The following GSE1 variants were observed in gnomAD, a reference collection of about 807,000 sequenced individuals.
GSE1 encodes genetic suppressor element 1.
A neutral mutation model predicts 112.6 loss-of-function variants in GSE1; 32 were observed. The ratio of observed to expected loss-of-function variants is 0.28; its 90% confidence interval spans 0.21 to 0.38. The LOEUF (loss-of-function observed/expected upper bound fraction) is 0.38. Among genes scored for constraint, GSE1 ranks in the 10% least tolerant of loss-of-function variants. The pLI, the probability that GSE1 is intolerant of heterozygous loss-of-function variation, is 1.00. For missense variants in GSE1, 2,348 were observed against 1,699.2 expected (o/e 1.38, Z -6.71); for synonymous variants, 1,115 against 735.6 (o/e 1.52, Z -8.35).
At chr16:85,642,391 A>C (rs1028884330) in intron 2 of GSE1, among the ~76,000 whole-genome samples, 2 of 152,230 alleles carry the variant, frequency 1.3e-5, no homozygotes, top group African/African-American at 2.4e-5. Context: ...CCCCCAGGTT[A>C]GCAGACACAC....
In GSE1 at chr16:85,665,029, G is replaced by T; in HGVS notation, c.2659G>T (p.Val887Phe). 6.2e-7 allele frequency: 1 copy of T among 1,607,394 alleles called. No homozygotes were observed. Among genetic ancestry groups the T allele is most frequent in the East Asian group, 2.2e-5 (1 of 44,846 alleles). Residue 887 changes from valine to phenylalanine, a missense_variant, in exon 12 of 16, where the codon GTT becomes TTT. Transcript: ENST00000253458. Reference sequence around the variant, plus strand: ...TTTTCTCATAGACAAAGAGAGACTTGTTGAAATGCTCCGTGCCATGAAGCA... The same window carrying T: ...TTTTCTCATAGACAAAGAGAGACTTTTTGAAATGCTCCGTGCCATGAAGCA... ...AEKRKDKERLVEMLRAMKQKA... is the reference protein window; with the variant it reads ...AEKRKDKERLFEMLRAMKQKA...
chr16:85,331,509 GTATATA>G (rs1491083570), intron 1 of GSE1, among the ~76,000 whole-genome samples: 2 of 115,174 alleles, frequency 1.7e-5, no homozygotes, highest in African/African-American at 6.5e-5. Context: ...GTGTATATAT[GTATATA>G]TGTGTATATA....
chr16:85,307,104 C>T lies in GSE1; in HGVS notation c.2284-50359C>T, dbSNP rs953952068. ...GAGGTTGTTCTGTGCTCTGGTCACA[C>T]GTACAGGCTGCAGCCGGCTGCCCGC... On this transcript the variant is annotated intron_variant, in intron 1 of 2. Coordinates refer to the GSE1 transcript ENST00000637419. 2.1e-5 allele frequency among the ~76,000 whole-genome samples: 3 copies of T among 143,960 alleles called. No individual in the cohort carries two copies. In the South Asian group the frequency reaches 7.4e-4, roughly 35 times the overall value. The allele number at this position is 143,960 out of a possible 152,430, so 94.4% of individuals were successfully genotyped here.
At chr16:85,192,714 G>T (rs1207372728) in intron 1 of GSE1, among the ~76,000 whole-genome samples, 3 of 152,212 alleles carry the variant, frequency 2.0e-5, no homozygotes, top group Non-Finnish European at 2.9e-5. Context: ...TCAGCAAGTG[G>T]CAGAGGGCGT....
intron 2 of GSE1, among the ~76,000 whole-genome samples, chr16:85,648,114 C>T (rs1458276085): frequency 6.6e-6 from 1 of 151,886 alleles, no homozygotes; most frequent in Non-Finnish European, 1.5e-5. Context: ...TGTCCACAGG[C>T]CCTTGGTTCA....
At position 85,260,319 on chromosome 16, in the gene GSE1, C is replaced by CTTTTTTTTTT. The variant is rs111292010; in HGVS notation, c.2283+88525_2283+88534dup. ...TATTTTTCCTTTTTCTTTTTCTTTT[C>CTTTTTTTTTT]TTTTTTTTTTTTTTTTTTTTTTGAG... On this transcript the variant is annotated intron_variant, in intron 1 of 2. Coordinates refer to the GSE1 transcript ENST00000637419. 4.5e-4 allele frequency among the ~76,000 whole-genome samples: 43 copies of CTTTTTTTTTT among 94,870 alleles called. 1 individual carries two copies. The highest frequency in any genetic ancestry group is 6.1e-4 in the East Asian group (2 of 3,254). 62.2% of individuals were successfully genotyped at this position (94,870 alleles called of 152,430 possible).
chr16:85,637,252 A>G (rs1264253125), intron 2 of GSE1, among the ~76,000 whole-genome samples: 2 of 152,160 alleles, frequency 1.3e-5, no homozygotes, highest in African/African-American at 2.4e-5. Flanking sequence ...TTTTGTACAC[A>G]TGGGCTGGCG....
rs552668871 is a variant in GSE1, at chr16:85,397,359, C to T, written c.2464+39716C>T. On this transcript the variant is annotated intron_variant, in intron 2 of 2. Coordinates refer to the GSE1 transcript ENST00000637419. ...ACTCAAGTGACACTCAGTGTCTACTCGCTGATGCAGGTGCTGAGCCGTCTC... is the reference window on the plus strand; with the variant it reads ...ACTCAAGTGACACTCAGTGTCTACTTGCTGATGCAGGTGCTGAGCCGTCTC... 5.9e-5 allele frequency among the ~76,000 whole-genome samples: 9 copies of T among 152,370 alleles called. No individual in the cohort carries two copies. In the East Asian group the frequency reaches 1.5e-3, roughly 26 times the overall value.
upstream of GSE1, among the ~76,000 whole-genome samples, chr16:85,552,557 C>A (rs1337174501): frequency 6.7e-6 from 1 of 149,884 alleles, no homozygotes; most frequent in Non-Finnish European, 1.5e-5. Flanking sequence ...TGGTCTCGAT[C>A]TCCTGACCTC....
intron 2 of GSE1, among the ~76,000 whole-genome samples, chr16:85,438,108 C>T (rs1317943799): frequency 1.3e-5 from 2 of 152,212 alleles, no homozygotes; most frequent in Non-Finnish European, 2.9e-5. Flanking sequence ...CTACCTTTCT[C>T]TGTGTCCCCC....
upstream of GSE1, among the ~76,000 whole-genome samples, chr16:85,610,997 G>A (rs979614800): frequency 1.1e-4 from 16 of 152,348 alleles, no homozygotes; most frequent in Non-Finnish European, 2.1e-4. Flanking sequence ...CAAACAGGTG[G>A]AGAAACCTAA....
chr16:85,640,725 C>T (rs1403626565), intron 2 of GSE1, among the ~76,000 whole-genome samples: 1 of 152,268 alleles, frequency 6.6e-6, no homozygotes, highest in Non-Finnish European at 1.5e-5. Context: ...GGAAATCTGC[C>T]TCTCAAAGAA....
chr16:85,238,996 C>T (rs771891726), intron 1 of GSE1, among the ~76,000 whole-genome samples: 14 of 152,036 alleles, frequency 9.2e-5, no homozygotes, highest in African/African-American at 1.7e-4. Context: ...GGTGCGATCT[C>T]GGCTCACTGC....
At chr16:85,171,946 C>T (rs2074365662) in intron 1 of GSE1, 2 of 399,438 alleles carry the variant, frequency 5.0e-6, no homozygotes, top group Non-Finnish European at 6.8e-6. Context: ...GGGGGAGGTA[C>T]CCTCCCTGAG....
At chr16:85,560,696 C>G (rs528855927) in intron 1 of GSE1, among the ~76,000 whole-genome samples, 96 of 152,170 alleles carry the variant, frequency 6.3e-4, no homozygotes, top group African/African-American at 2.0e-3. Flanking sequence ...AAACCTTCCT[C>G]TGTATGTATG....
intron 2 of GSE1, among the ~76,000 whole-genome samples, chr16:85,475,857 C>G (rs1235061583): frequency 6.6e-6 from 1 of 150,418 alleles, no homozygotes; most frequent in Admixed American, 6.6e-5. Flanking sequence ...CTCCTGGGCT[C>G]AAGTGATCGT....
chr16:85,597,570 A>G (rs933680668), intron 1 of GSE1, among the ~76,000 whole-genome samples: 1 of 152,016 alleles, frequency 6.6e-6, no homozygotes, highest in African/African-American at 2.4e-5. Flanking sequence ...CCTGGCCTCA[A>G]GCAATCCTCC....
chr16:85,476,328 G>A (rs1223147402), intron 2 of GSE1, among the ~76,000 whole-genome samples: 1 of 152,198 alleles, frequency 6.6e-6, no homozygotes, highest in East Asian at 1.9e-4. Context: ...GTGGCAACTT[G>A]CAGGCACCTG....
chr16:85,468,102 G>C (rs959666590), intron 2 of GSE1, among the ~76,000 whole-genome samples: 2 of 152,072 alleles, frequency 1.3e-5, no homozygotes, highest in African/African-American at 4.8e-5. Flanking sequence ...CCTCAGCCTT[G>C]ACAGAGGTCC....
Sources: gnomAD v4.1 joint callset for allele counts (sites outside exome capture counted in the v4.1 genomes callset) on GRCh38, gnomAD v4.1.1 for gene constraint, MANE v1.5 for transcripts, NCBI Gene and HGNC (gene_info 2026-07-23, HGNC 2026-07-21) for gene names.